Variants in CDH13 observed in about 807,000 individuals in gnomAD.
The protein encoded by CDH13 is cadherin 13.
CDH13 carries 24 observed loss-of-function variants against 63.8 expected under a neutral mutation model. That is an observed-to-expected ratio of 0.38 (90% CI 0.27 to 0.53). The LOEUF (loss-of-function observed/expected upper bound fraction) is 0.53, where lower values mean the gene tolerates loss of function less well. CDH13 is among the 20% of genes least tolerant of loss of function. The pLI, the probability that CDH13 is intolerant of heterozygous loss-of-function variation, is 0.85. For synonymous variants in CDH13, 503 were observed against 355.3 expected (o/e 1.42, Z -4.67); for missense variants, 1,049 against 903.1 (o/e 1.16, Z -2.07).
At chr16:82,976,829 C>A (rs948388122) in intron 2 of CDH13, among the ~76,000 whole-genome samples, 1 of 152,120 alleles carries the variant, frequency 6.6e-6, no homozygotes, top group Admixed American at 6.5e-5. Flanking sequence ...AGGTGGTACT[C>A]GGAGTTGGCA....
intron 6 of CDH13, among the ~76,000 whole-genome samples, chr16:83,413,573 A>G (rs1449757185): frequency 6.6e-6 from 1 of 152,238 alleles, no homozygotes; most frequent in East Asian, 1.9e-4. Context: ...GTTACAGTCA[A>G]GATTATTAAA....
intron 1 of CDH13, among the ~76,000 whole-genome samples, chr16:82,789,668 G>T (rs946594817): frequency 1.7e-4 from 26 of 152,164 alleles, no homozygotes; most frequent in African/African-American, 5.3e-4. Flanking sequence ...TTTTAATCAA[G>T]GGAGTGTCAA....
At chr16:82,974,146 C>T (rs1909170285) in intron 2 of CDH13, among the ~76,000 whole-genome samples, 2 of 152,132 alleles carry the variant, frequency 1.3e-5, no homozygotes. Context: ...AGCACGTTGG[C>T]CAGGCTGATT....
intron 13 of CDH13, among the ~76,000 whole-genome samples, chr16:83,791,375 A>T (rs1436978012): frequency 3.3e-5 from 5 of 152,134 alleles, no homozygotes; most frequent in Non-Finnish European, 1.5e-5. Flanking sequence ...ACACACCTGT[A>T]ATCCCAGCTA....
intron 5 of CDH13, among the ~76,000 whole-genome samples, chr16:83,298,100 AGGTGCAGGGGTAC>A (rs1476779958): frequency 6.6e-6 from 1 of 151,660 alleles, no homozygotes; most frequent in Admixed American, 6.6e-5. Context: ...AAAATTAGCC[AGGTGCAGGGGTAC>A]GTGCCTGTGG....
chr16:82,922,297 G>C (rs1419533791), intron 2 of CDH13, among the ~76,000 whole-genome samples: 1 of 152,096 alleles, frequency 6.6e-6, no homozygotes, highest in African/African-American at 2.4e-5. Flanking sequence ...AATATGACTG[G>C]ACAACTTTTC....
At chr16:83,681,073 C>G (rs1915364401) in intron 10 of CDH13, among the ~76,000 whole-genome samples, 1 of 151,856 alleles carries the variant, frequency 6.6e-6, no homozygotes, top group Non-Finnish European at 1.5e-5. Context: ...GTCACAAGCA[C>G]AACTCTCTGA....
At chr16:82,784,926 C>T (rs758415153) in intron 1 of CDH13, among the ~76,000 whole-genome samples, 4 of 152,124 alleles carry the variant, frequency 2.6e-5, no homozygotes, top group Admixed American at 1.3e-4. Flanking sequence ...GGCCAGAGAG[C>T]GCCTTGAAAT....
At chr16:83,309,834 T>G (rs900457868) in intron 5 of CDH13, among the ~76,000 whole-genome samples, 15 of 152,120 alleles carry the variant, frequency 9.9e-5, no homozygotes, top group Non-Finnish European at 8.8e-5. Context: ...AACTTTGTCT[T>G]TGTGGACTTC....
At chr16:82,855,037 C>T (rs1056752382) in intron 1 of CDH13, among the ~76,000 whole-genome samples, 4 of 152,086 alleles carry the variant, frequency 2.6e-5, no homozygotes, top group African/African-American at 7.2e-5. Flanking sequence ...ACCCATGGCC[C>T]AGGAGGGTAC....
At chr16:82,628,087 G>T (rs574307672) in intron 1 of CDH13, among the ~76,000 whole-genome samples, 10 of 152,362 alleles carry the variant, frequency 6.6e-5, no homozygotes, top group Middle Eastern at 3.4e-3. Flanking sequence ...GTGCAGGAAA[G>T]CAGCGCTCCG....
intron 1 of CDH13, among the ~76,000 whole-genome samples, chr16:82,701,645 A>G (rs1174902358): frequency 6.6e-6 from 1 of 151,846 alleles, no homozygotes; most frequent in Non-Finnish European, 1.5e-5. Flanking sequence ...CACATGTCTC[A>G]TTGTGGTGAT....
chr16:83,257,259 G>C (rs550121637), intron 5 of CDH13, among the ~76,000 whole-genome samples: 1 of 152,100 alleles, frequency 6.6e-6, no homozygotes, highest in Admixed American at 6.5e-5. Flanking sequence ...AGAAAGCGAC[G>C]GTGAGCTTGA....
At chr16:82,797,807 G>GTGTA (rs147687670) in intron 1 of CDH13, among the ~76,000 whole-genome samples, 7,351 of 150,120 alleles carry the variant, frequency 0.049, 188 homozygotes, top group African/African-American at 0.059. Context: ...GTGTGTGTGT[G>GTGTA]TATACATGTG....
intron 3 of CDH13, among the ~76,000 whole-genome samples, chr16:83,064,541 C>T (rs1452203736): frequency 6.6e-6 from 1 of 151,898 alleles, no homozygotes; most frequent in African/African-American, 2.4e-5. Context: ...CTTCTTTAAC[C>T]TGATTATTAT....
At chr16:82,740,391 T>C (rs1475387667) in intron 1 of CDH13, among the ~76,000 whole-genome samples, 1 of 152,240 alleles carries the variant, frequency 6.6e-6, no homozygotes, top group Non-Finnish European at 1.5e-5. Context: ...CCAGATAATG[T>C]ACAGCGTATT....
chr16:82,903,793 G>A (rs1430732134), intron 2 of CDH13, among the ~76,000 whole-genome samples: 3 of 152,096 alleles, frequency 2.0e-5, no homozygotes, highest in Admixed American at 6.5e-5. Flanking sequence ...ACCTTCATAG[G>A]GAAGGTAGGG....
intron 7 of CDH13, among the ~76,000 whole-genome samples, chr16:83,552,943 G>A (rs1372842787): frequency 6.6e-6 from 1 of 152,136 alleles, no homozygotes; most frequent in Non-Finnish European, 1.5e-5. Context: ...GCCGGGAGTG[G>A]TGGCACGCAC....
At chr16:83,030,592 A>G (rs1025998448) in intron 2 of CDH13, among the ~76,000 whole-genome samples, 3 of 146,226 alleles carry the variant, frequency 2.1e-5, no homozygotes, top group African/African-American at 2.5e-5. Flanking sequence ...GCAGTCAGCC[A>G]AGATCGCGCC....
Sources: gnomAD v4.1 joint callset for allele counts (sites outside exome capture counted in the v4.1 genomes callset) on GRCh38, gnomAD v4.1.1 for gene constraint, MANE v1.5 for transcripts, NCBI Gene and HGNC (gene_info 2026-07-23, HGNC 2026-07-21) for gene names.